PARVA: variants seen among roughly 807,000 people sequenced by gnomAD.
The protein encoded by PARVA is parvin alpha.
A neutral mutation model predicts 52.6 loss-of-function variants in PARVA; 25 were observed. That is an observed-to-expected ratio of 0.48 (90% CI 0.35 to 0.66). The LOEUF (loss-of-function observed/expected upper bound fraction) is 0.66, where lower values mean the gene tolerates loss of function less well. Among genes scored for constraint, PARVA ranks in the 30% least tolerant of loss-of-function variants. The pLI is 0.01. For missense variants in PARVA, 373 were observed against 450.9 expected (o/e 0.83, Z 1.56); for synonymous variants, 185 against 179.1 (o/e 1.03, Z -0.26).
intron 1 of PARVA, among the ~76,000 whole-genome samples, chr11:12,386,388 A>T (rs1213852776): frequency 6.6e-6 from 1 of 152,164 alleles, no homozygotes; most frequent in Non-Finnish European, 1.5e-5. Flanking sequence ...TTCCTATACA[A>T]CCAACTTCTG....
rs1234197930 is a variant in PARVA, at chr11:12,508,618, A to G, written c.692A>G (p.Gln231Arg). The change falls in exon 7 of 13, where the codon CAA becomes CGA. Residue 231 changes from glutamine (Q) to arginine (R), a missense_variant. Physicochemically the swap from Gln to Arg is conservative, Grantham distance 43. Transcript: ENST00000334956. Reference sequence around the variant, plus strand: ...GGAATCCTCCAGTCTCGGCAAATCCAAGAGGAAATAACTGGTAACACAGAG... The same window carrying G: ...GGAATCCTCCAGTCTCGGCAAATCCGAGAGGAAATAACTGGTAACACAGAG... ...REGILQSRQI[Q>R]EEITGNTEAL... 1.2e-6 allele frequency: 2 copies of G among 1,609,838 alleles called. No individual in the cohort carries two copies. The highest frequency in any genetic ancestry group is 1.1e-5 in the South Asian group (1 of 90,368).
At chr11:12,454,546 AC>A (rs1373035921) in intron 1 of PARVA, among the ~76,000 whole-genome samples, 1 of 150,838 alleles carries the variant, frequency 6.6e-6, no homozygotes, top group Non-Finnish European at 1.5e-5. Context: ...CTTCTGCTTT[AC>A]CCCCGCAATC....
chr11:12,440,218 G>A (rs1940445082), intron 1 of PARVA, among the ~76,000 whole-genome samples: 1 of 152,172 alleles, frequency 6.6e-6, no homozygotes, highest in African/African-American at 2.4e-5. Context: ...TTGAAGTAAG[G>A]ACACAGTGGC....
chr11:12,507,875 A>G (rs953677854), intron 6 of PARVA, among the ~76,000 whole-genome samples: 1 of 152,042 alleles, frequency 6.6e-6, no homozygotes, highest in African/African-American at 2.4e-5. Flanking sequence ...ACTCCATAGT[A>G]TTTGTTCTAA....
chr11:12,473,372 G>A (rs145057741), intron 1 of PARVA, among the ~76,000 whole-genome samples: 89 of 152,240 alleles, frequency 5.8e-4, no homozygotes, highest in Non-Finnish European at 1.0e-3. Flanking sequence ...GCACACAGTC[G>A]CCGGGCACCA....
At chr11:12,527,611 C>T (rs1941720214) in intron 12 of PARVA, among the ~76,000 whole-genome samples, 1 of 152,114 alleles carries the variant, frequency 6.6e-6, no homozygotes, top group Non-Finnish European at 1.5e-5. Flanking sequence ...GGCAAAGAGC[C>T]CCTGGGACAG....
Position 12,430,065 on chromosome 11 carries a change from T to G in PARVA, c.137-43680T>G, listed in dbSNP as rs1420900166. 2.6e-5 allele frequency among the ~76,000 whole-genome samples: 4 copies of G among 152,188 alleles called. No individual in the cohort carries two copies. The East Asian group carries it at 7.7e-4, about 29-fold the overall frequency. ...GACATTCCTTCATCATTTTCTTAAG[T>G]CTAGATAATCAACAGAATGAGAAAT... On this transcript the variant is annotated intron_variant, in intron 1 of 12. Transcript: ENST00000334956.
chr11:12,508,080 A>G (rs1356270243), intron 6 of PARVA, among the ~76,000 whole-genome samples: 1 of 144,840 alleles, frequency 6.9e-6, no homozygotes, highest in Non-Finnish European at 1.5e-5. Context: ...CTTATTTAAA[A>G]GCTCCCATAT....
chr11:12,383,033 A>G (rs1403558617), intron 1 of PARVA, among the ~76,000 whole-genome samples: 1 of 152,148 alleles, frequency 6.6e-6, no homozygotes, highest in African/African-American at 2.4e-5. Context: ...TGCCTGTGGG[A>G]CACTATTTTG....
chr11:12,524,343 T>C (rs1198373990), intron 12 of PARVA, among the ~76,000 whole-genome samples: 1 of 152,214 alleles, frequency 6.6e-6, no homozygotes, highest in Admixed American at 6.5e-5. Flanking sequence ...GTAGTGGAGA[T>C]GGACTTCAAA....
At chr11:12,413,808 C>G (rs530980402) in intron 1 of PARVA, among the ~76,000 whole-genome samples, 1 of 152,364 alleles carries the variant, frequency 6.6e-6, no homozygotes, top group East Asian at 1.9e-4. Flanking sequence ...ACTTGGAGAA[C>G]ACTCGAGCCC....
At chr11:12,438,565 G>T (rs761814296) in intron 1 of PARVA, among the ~76,000 whole-genome samples, 1 of 152,026 alleles carries the variant, frequency 6.6e-6, no homozygotes, top group South Asian at 2.1e-4. Context: ...TGTTACAATG[G>T]CATTTAAATT....
At chr11:12,441,862 G>A (rs1940471203) in intron 1 of PARVA, among the ~76,000 whole-genome samples, 1 of 152,224 alleles carries the variant, frequency 6.6e-6, no homozygotes, top group African/African-American at 2.4e-5. Context: ...ATTGGAGATA[G>A]GGAATTGCTA....
At chr11:12,507,034 C>A (rs1429720498) in intron 6 of PARVA, among the ~76,000 whole-genome samples, 1 of 150,552 alleles carries the variant, frequency 6.6e-6, no homozygotes, top group Admixed American at 6.7e-5. Flanking sequence ...GATTTATCTT[C>A]ACCTGGTCCT....
Position 12,532,157 on chromosome 11 carries a change from A to G in PARVA, c.*4232A>G, listed in dbSNP as rs11022396. On this transcript the variant is annotated 3_prime_UTR_variant, in exon 13 of 13. Coordinates refer to ENST00000334956, the MANE Select transcript of PARVA (RefSeq NM_018222.5). ...TGCAGCCATGAGGGTGCTGCCCCCAAACCAAGCCTGATGACCTTGAGAACC... is the reference window on the plus strand; with the variant it reads ...TGCAGCCATGAGGGTGCTGCCCCCAGACCAAGCCTGATGACCTTGAGAACC... Among the ~76,000 whole-genome samples, 6,667 of 152,198 alleles carry G rather than the reference A, an allele frequency of 0.044. 441 individuals carry two copies. Among genetic ancestry groups the G allele is most frequent in the East Asian group, 0.28 (1,472 of 5,180 alleles).
intron 4 of PARVA, among the ~76,000 whole-genome samples, chr11:12,493,664 G>A (rs1198789600): frequency 6.6e-6 from 1 of 151,128 alleles, no homozygotes; most frequent in African/African-American, 2.4e-5. Flanking sequence ...TACAATTTTA[G>A]TACCATAGAC....
chr11:12,403,709 G>T (rs1939861947), intron 1 of PARVA, among the ~76,000 whole-genome samples: 1 of 152,314 alleles, frequency 6.6e-6, no homozygotes, highest in African/African-American at 2.4e-5. Context: ...CAGATACATT[G>T]CTCATTCCCA....
intron 1 of PARVA, among the ~76,000 whole-genome samples, chr11:12,457,987 G>A (rs1446534683): frequency 6.6e-6 from 1 of 152,226 alleles, no homozygotes; most frequent in Non-Finnish European, 1.5e-5. Flanking sequence ...CTGGGGTCAT[G>A]TGTGACTGTG....
rs767470000 is a variant in PARVA at position 12,504,297 on chromosome 11, A to G, written c.542-17A>G. The G allele has an allele frequency of 2.5e-5, 36 of 1,445,322 alleles. No individual in the cohort carries two copies. Among genetic ancestry groups the G allele is most frequent in the Non-Finnish European group, 3.4e-5 (35 of 1,027,938 alleles). The allele number at this position is 1,445,322 out of a possible 1,614,324, so 89.5% of individuals were successfully genotyped here. A position where few individuals can be genotyped will look rare whatever the true frequency, so the allele number is the denominator to read the frequency against. On this transcript the variant is annotated splice_polypyrimidine_tract_variant and intron_variant, in intron 5 of 12. Coordinates refer to ENST00000334956, the MANE Select transcript of PARVA (RefSeq NM_018222.5). ...TGGAAGAAGATGCTGTAATTTTTCA[A>G]TCTTCTTTCATTTCAGCTGTTCATG...
Sources: gnomAD v4.1 joint callset for allele counts (sites outside exome capture counted in the v4.1 genomes callset) on GRCh38, gnomAD v4.1.1 for gene constraint, MANE v1.5 for transcripts, NCBI Gene and HGNC (gene_info 2026-07-23, HGNC 2026-07-21) for gene names.